TENM3: variants seen among roughly 807,000 people sequenced by gnomAD.
TENM3 encodes the protein teneurin-3.
TENM3 carries 63 observed loss-of-function variants against 255.1 expected under a neutral mutation model. The ratio of observed to expected loss-of-function variants is 0.25; its 90% confidence interval spans 0.20 to 0.30. TENM3 has a LOEUF of 0.30. Ranked by LOEUF, TENM3 falls within the 10% of genes least tolerant of loss-of-function variation. The pLI, the probability that TENM3 is intolerant of heterozygous loss-of-function variation, is 1.00. For missense variants in TENM3, 2,929 were observed against 3,461.1 expected, an observed-to-expected ratio of 0.85 and a Z score of 3.86; for synonymous variants, 1,306 against 1,322.3, an observed-to-expected ratio of 0.99 and a Z score of 0.27.
chr4:181,749,883 A>G, the TENM3 span, among the ~76,000 whole-genome samples: 4 of 152,152 alleles, frequency 2.6e-5, no homozygotes, highest in Non-Finnish European at 5.9e-5. Context: ...TCCTTTAAGA[A>G]CCACCCACTT....
At chr4:182,701,029 T>TA (rs1757814135) in intron 12 of TENM3, among the ~76,000 whole-genome samples, 1 of 151,972 alleles carries the variant, frequency 6.6e-6, no homozygotes, top group African/African-American at 2.4e-5. Flanking sequence ...GCTTAATTGT[T>TA]ATGGTGTTGA....
At chr4:182,613,534 G>A (rs572479769) in intron 4 of TENM3, among the ~76,000 whole-genome samples, 4 of 152,180 alleles carry the variant, frequency 2.6e-5, no homozygotes, top group South Asian at 2.1e-4. Context: ...CATAGCTGTG[G>A]TTATGCTTAA....
At chr4:182,143,466 T>C (rs1239089860), upstream of TENM3, 1 of 166,916 alleles carries the variant, frequency 6.0e-6, no homozygotes, top group Non-Finnish European at 1.5e-5. The surrounding 1 kb of genome is among the most constrained non-coding windows in gnomAD (Gnocchi z 4.3). Flanking sequence ...ATTACACCCT[T>C]CTGCCTCGGA....
the TENM3 span, among the ~76,000 whole-genome samples, chr4:181,849,521 G>GA: frequency 2.0e-5 from 3 of 152,226 alleles, no homozygotes; most frequent in African/African-American, 4.8e-5. Flanking sequence ...TTATGCTGCA[G>GA]AAAAAAATGT....
chr4:181,891,198 T>C, the TENM3 span, among the ~76,000 whole-genome samples: 1 of 152,190 alleles, frequency 6.6e-6, no homozygotes, highest in African/African-American at 2.4e-5. Flanking sequence ...AAACGTAAAT[T>C]AGTTCAGCTA....
At chr4:181,861,282 T>C in the TENM3 span, among the ~76,000 whole-genome samples, 4 of 152,198 alleles carry the variant, frequency 2.6e-5, no homozygotes, top group African/African-American at 9.6e-5. Flanking sequence ...TGTCACGAAG[T>C]CAATTCAGTC....
the TENM3 span, among the ~76,000 whole-genome samples, chr4:181,511,559 C>T: frequency 4.6e-5 from 7 of 152,330 alleles, no homozygotes; most frequent in African/African-American, 1.4e-4. Flanking sequence ...CTCCTCTTCA[C>T]TCTGAGAGCC....
chr4:181,923,802 T>C, the TENM3 span, among the ~76,000 whole-genome samples: 2 of 152,156 alleles, frequency 1.3e-5, no homozygotes, highest in Non-Finnish European at 2.9e-5. Context: ...CAGGAGTTTC[T>C]TGTGTCATTT....
the TENM3 span, among the ~76,000 whole-genome samples, chr4:181,912,858 G>A: frequency 5.3e-5 from 8 of 152,010 alleles, no homozygotes; most frequent in African/African-American, 1.9e-4. Flanking sequence ...TGAGAGATAA[G>A]GAGAAAGGTG....
chr4:182,161,217 C>T (rs1751133660), intron 1 of TENM3, among the ~76,000 whole-genome samples: 1 of 140,646 alleles, frequency 7.1e-6, no homozygotes, highest in African/African-American at 2.6e-5. Context: ...GAGATCGAGA[C>T]CATCCTGGCT....
intron 12 of TENM3, among the ~76,000 whole-genome samples, chr4:182,698,707 T>C (rs1215364323): frequency 6.6e-6 from 1 of 152,092 alleles, no homozygotes; most frequent in Non-Finnish European, 1.5e-5. Context: ...AGTTCCCTCT[T>C]TCTCCACCCT....
At chr4:182,772,663 T>C (rs1300063417) in intron 22 of TENM3, 2 of 152,214 alleles carry the variant, frequency 1.3e-5, no homozygotes, top group Non-Finnish European at 2.9e-5. Flanking sequence ...GTTGTATCTA[T>C]GATGCATATT....
At chr4:182,072,450 G>A in the TENM3 span, among the ~76,000 whole-genome samples, 1 of 152,206 alleles carries the variant, frequency 6.6e-6, no homozygotes, top group East Asian at 1.9e-4. Context: ...CAAAGGGTAG[G>A]CAGTGAACAG....
intron 5 of TENM3, among the ~76,000 whole-genome samples, chr4:182,643,095 G>A (rs1752451062): frequency 1.3e-5 from 2 of 152,192 alleles, no homozygotes; most frequent in African/African-American, 4.8e-5. Flanking sequence ...GTCTTCACAT[G>A]CGATACTTTC....
chr4:182,405,373 T>C (rs1769493129), intron 3 of TENM3, among the ~76,000 whole-genome samples: 1 of 152,216 alleles, frequency 6.6e-6, no homozygotes, highest in Non-Finnish European at 1.5e-5. Flanking sequence ...ACTTTTCCTT[T>C]GTATACTGAT....
intron 5 of TENM3, among the ~76,000 whole-genome samples, chr4:182,634,039 A>G (rs1158863656): frequency 3.9e-5 from 6 of 152,138 alleles, no homozygotes; most frequent in Non-Finnish European, 1.5e-5. Context: ...TGGTTTTTCC[A>G]GCAGGCTCTC....
the TENM3 span, among the ~76,000 whole-genome samples, chr4:181,722,310 GGGTGAAACTCCTA>G: frequency 1.3e-5 from 2 of 152,176 alleles, no homozygotes; most frequent in African/African-American, 4.8e-5. Context: ...AATACTGGCT[GGGTGAAACTCCTA>G]GGTGAAATTG....
chr4:182,283,842 G>A (rs139352507), intron 1 of TENM3, among the ~76,000 whole-genome samples: 39 of 152,156 alleles, frequency 2.6e-4, no homozygotes, highest in African/African-American at 7.7e-4. Flanking sequence ...ATTTTTCTTC[G>A]ATTTCTGACA....
At chr4:181,633,042 G>A in the TENM3 span, among the ~76,000 whole-genome samples, 3 of 152,082 alleles carry the variant, frequency 2.0e-5, no homozygotes, top group Non-Finnish European at 4.4e-5. Context: ...CTGAAATTTG[G>A]TTATCCTTCC....
Sources: gnomAD v4.1 joint callset for allele counts (sites outside exome capture counted in the v4.1 genomes callset) on GRCh38, gnomAD v4.1.1 for gene constraint, Gnocchi (gnomAD v3.1) non-coding constraint, MANE v1.5 for transcripts, NCBI Gene and HGNC (gene_info 2026-07-23, HGNC 2026-07-21) for gene names.